Variants in DNAJC24 observed in about 807,000 individuals in gnomAD.
The protein encoded by DNAJC24 is dnaJ homolog subfamily C member 24.
In DNAJC24, 17 loss-of-function variants were observed where a neutral mutation model predicts 18.0. That is an observed-to-expected ratio of 0.94 (90% confidence interval 0.65 to 1.42). The LOEUF (loss-of-function observed/expected upper bound fraction) is 1.42, where lower values mean the gene tolerates loss of function less well. Ranked by LOEUF, DNAJC24 falls within the 40% of genes most tolerant of loss-of-function variation. The pLI is 0.00. For missense variants in DNAJC24, 158 were observed against 175.6 expected, an observed-to-expected ratio of 0.90 and a Z score of 0.57; for synonymous variants, 55 against 57.7, an observed-to-expected ratio of 0.95 and a Z score of 0.21.
chr11:31,393,461 A>G (rs763192087), intron 2 of DNAJC24, among the ~76,000 whole-genome samples: 4 of 152,178 alleles, frequency 2.6e-5, no homozygotes, highest in Non-Finnish European at 4.4e-5. Context: ...AATGGTGTTA[A>G]GTGGTAGGAG....
chr11:31,382,524 A>G (rs1441057007), intron 2 of DNAJC24, among the ~76,000 whole-genome samples: 1 of 152,212 alleles, frequency 6.6e-6, no homozygotes, highest in East Asian at 1.9e-4. Flanking sequence ...ATTATTGTCC[A>G]TCAAAACATT....
At chr11:31,374,167 G>A (rs756004449) in intron 2 of DNAJC24, 4 of 375,314 alleles carry the variant, frequency 1.1e-5, no homozygotes, top group Admixed American at 5.5e-5. Context: ...TCCTTGCCTT[G>A]TTCCTGATTT....
intron 3 of DNAJC24, among the ~76,000 whole-genome samples, chr11:31,419,406 C>T (rs1323155920): frequency 6.6e-6 from 1 of 151,958 alleles, no homozygotes; most frequent in Non-Finnish European, 1.5e-5. Flanking sequence ...CAGGTTCCCT[C>T]GCCCCAACTT....
chr11:31,372,776 T>G (rs1250518236), intron 2 of DNAJC24, among the ~76,000 whole-genome samples: 2 of 136,020 alleles, frequency 1.5e-5, no homozygotes, highest in Non-Finnish European at 3.4e-5. Flanking sequence ...TTGGAGTTTT[T>G]GCAATTTTGC....
At chr11:31,397,274 A>G (rs1295757020) in intron 2 of DNAJC24, among the ~76,000 whole-genome samples, 1 of 152,224 alleles carries the variant, frequency 6.6e-6, no homozygotes, top group East Asian at 1.9e-4. Flanking sequence ...TTGATGGATA[A>G]ACATTTTTAC....
At chr11:31,380,344 A>G (rs1952364583) in intron 2 of DNAJC24, among the ~76,000 whole-genome samples, 1 of 152,192 alleles carries the variant, frequency 6.6e-6, no homozygotes, top group African/African-American at 2.4e-5. Context: ...GAACTTACAG[A>G]CCAAAAATCA....
intron 2 of DNAJC24, among the ~76,000 whole-genome samples, chr11:31,387,749 G>A (rs769306008): frequency 1.8e-4 from 28 of 152,092 alleles, no homozygotes; most frequent in Admixed American, 3.9e-4. Flanking sequence ...AGGAAAACAC[G>A]ACCTCACCAA....
intron 3 of DNAJC24, chr11:31,421,971 G>C (rs533953410): frequency 4.5e-6 from 2 of 445,276 alleles, no homozygotes; most frequent in Non-Finnish European, 9.0e-6. Flanking sequence ...TTGAATTGCA[G>C]GCTCATAAAC....
chr11:31,383,927 AT>A (rs771100816), intron 2 of DNAJC24, among the ~76,000 whole-genome samples: 3 of 152,232 alleles, frequency 2.0e-5, no homozygotes, highest in African/African-American at 4.8e-5. Context: ...CTTAAGCCAA[AT>A]AGGGCTATCA....
chr11:31,376,537 T>A (rs1380592224), intron 2 of DNAJC24, among the ~76,000 whole-genome samples: 1 of 152,218 alleles, frequency 6.6e-6, no homozygotes, highest in Non-Finnish European at 1.5e-5. Flanking sequence ...TCTGGTTTTA[T>A]CTTCTGTAAG....
chr11:31,402,372 A>C (rs1444169838), intron 2 of DNAJC24, among the ~76,000 whole-genome samples: 1 of 152,210 alleles, frequency 6.6e-6, no homozygotes, highest in Non-Finnish European at 1.5e-5. Flanking sequence ...TGGTTAGTAA[A>C]TGTGAAGGCC....
intron 2 of DNAJC24, among the ~76,000 whole-genome samples, chr11:31,400,485 A>G (rs1380833216): frequency 6.6e-6 from 1 of 152,210 alleles, no homozygotes; most frequent in Non-Finnish European, 1.5e-5. Flanking sequence ...CTATACTACA[A>G]GGCTACAGTA....
In DNAJC24 at chr11:31,431,054, C is replaced by G. The variant is rs569020720; in HGVS notation, c.*653C>G. On this transcript the variant is annotated 3_prime_UTR_variant, in exon 5 of 5. Coordinates refer to ENST00000465995, the MANE Select transcript of DNAJC24 (RefSeq NM_181706.5). The stretch of plus-strand genomic sequence containing the variant: ...CTTTTTTCTAAGACAGAGTCTCACT[C>G]TGTCGCGCCAGCTGGAGTGCAGTGC... The G allele has an allele frequency of 3.9e-5, 6 of 152,268 alleles. No homozygotes were observed. The East Asian group carries it at 1.2e-3, about 30-fold the overall frequency. 9.4% of individuals were successfully genotyped at this position (152,268 alleles called of 1,614,324 possible).
intron 2 of DNAJC24, among the ~76,000 whole-genome samples, chr11:31,380,216 A>G (rs1354797324): frequency 1.3e-5 from 2 of 152,258 alleles, no homozygotes; most frequent in Non-Finnish European, 2.9e-5. Context: ...GAAAGAATCT[A>G]GCTAAAAGAA....
At chr11:31,403,947 C>G (rs761443194) in intron 2 of DNAJC24, among the ~76,000 whole-genome samples, 1 of 152,116 alleles carries the variant, frequency 6.6e-6, no homozygotes, top group Non-Finnish European at 1.5e-5. Flanking sequence ...TGTTGGTTGC[C>G]CATTTTTATG....
rs114671444 is a variant in DNAJC24 at position 31,401,560 on chromosome 11, T to C, written c.112-13251T>C. On this transcript the variant is annotated intron_variant, in intron 2 of 4. Coordinates refer to ENST00000465995, the MANE Select transcript of DNAJC24 (RefSeq NM_181706.5). ...GCCCCCCCACTTCCTCCTCTGTTTTTCTCTTTTGCTTCTTCTTCTTGGAGC... is the reference window on the plus strand; with the variant it reads ...GCCCCCCCACTTCCTCCTCTGTTTTCCTCTTTTGCTTCTTCTTCTTGGAGC... Among the ~76,000 whole-genome samples, 86 of 152,114 alleles carry C rather than the reference T, an allele frequency of 5.7e-4. 1 individual carries two copies. The highest frequency in any genetic ancestry group is 1.9e-3 in the African/African-American group (79 of 41,474).
At position 31,426,355 on chromosome 11, in the gene DNAJC24, G is replaced by T; in HGVS notation, c.319G>T (p.Gly107Cys). 6.6e-7 allele frequency: 1 copy of T among 1,516,330 alleles called. No homozygotes were observed. The highest frequency in any genetic ancestry group is 1.6e-5 in the African/African-American group (1 of 62,420). 93.9% of individuals were successfully genotyped at this position (1,516,330 alleles called of 1,614,324 possible). The part of the protein sequence containing the change: ...VYLEEMSWNE[G>C]DHSFYLSCRC... ...TCTTGAAGAAATGTCTTGGAATGAAGGTTGGATTTTTTTTTTCTCTTGACA... is the reference window on the plus strand; with the variant it reads ...TCTTGAAGAAATGTCTTGGAATGAATGTTGGATTTTTTTTTTCTCTTGACA... The change falls in exon 4 of 5, where the codon GGT becomes TGT. Residue 107 changes from glycine to cysteine, a missense_variant and splice_region_variant. Transcript: ENST00000465995.
At chr11:31,405,356 C>T (rs2133489743) in intron 2 of DNAJC24, among the ~76,000 whole-genome samples, 1 of 151,422 alleles carries the variant, frequency 6.6e-6, no homozygotes, top group Admixed American at 6.6e-5. Context: ...AGGCATGAGC[C>T]ACCGCACCCA....
chr11:31,379,366 G>C (rs1365709600), intron 2 of DNAJC24, among the ~76,000 whole-genome samples: 1 of 152,100 alleles, frequency 6.6e-6, no homozygotes, highest in Non-Finnish European at 1.5e-5. Context: ...CTGATGAACT[G>C]AGGTGGAACA....
Sources: allele counts gnomAD v4.1 joint callset (sites outside exome capture counted in the v4.1 genomes callset), GRCh38; gene constraint gnomAD v4.1.1; transcripts MANE v1.5; gene names NCBI Gene and HGNC (gene_info 2026-07-23, HGNC 2026-07-21).